Variants in DNAH5 observed in about 807,000 individuals in gnomAD.
The protein encoded by DNAH5 is axonemal beta dynein heavy chain 5.
A neutral mutation model predicts 518.2 loss-of-function variants in DNAH5; 372 were observed. That is an observed-to-expected ratio of 0.72 (90% CI 0.66 to 0.78). DNAH5 has a LOEUF of 0.78. DNAH5 is among the 30% of genes least tolerant of loss of function. The pLI is 0.00. For missense variants in DNAH5, 5,523 were observed against 5,687.0 expected (o/e 0.97, Z 0.93); for synonymous variants, 2,039 against 2,025.9 (o/e 1.01, Z -0.17).
intron 46 of DNAH5, among the ~76,000 whole-genome samples, chr5:13,807,949 G>A (rs1057082084): frequency 5.9e-5 from 9 of 152,032 alleles, no homozygotes; most frequent in African/African-American, 1.4e-4. Context: ...GAAATTTGTG[G>A]CCAGGTGTGG....
Position 13,876,758 on chromosome 5 carries a change from TATA to T in DNAH5, c.3319_3321del (p.Tyr1107del), listed in dbSNP as rs776767185. On this transcript the variant is annotated inframe_deletion, in exon 22 of 79. Coordinates refer to ENST00000265104, the MANE Select transcript of DNAH5 (RefSeq NM_001369.3). ...ATCTCTTTGTTTTCAGAAACATTCT[TATA>T]ATAGTTCTTGGTTTGCACGGGAATG... is the stretch of plus-strand genomic sequence containing the variant. 4 of 1,613,716 alleles carry T rather than the reference TATA, an allele frequency of 2.5e-6. No homozygotes were observed. The highest frequency in any genetic ancestry group is 2.2e-5 in the South Asian group (2 of 91,068).
chr5:13,773,283 G>A (rs1753602545), intron 55 of DNAH5, among the ~76,000 whole-genome samples: 2 of 152,064 alleles, frequency 1.3e-5, no homozygotes, highest in African/African-American at 2.4e-5. Context: ...AGATATAGGA[G>A]GTCCAAGAAA....
chr5:13,798,726 CATG>C (rs1758222632), intron 47 of DNAH5, among the ~76,000 whole-genome samples: 1 of 147,986 alleles, frequency 6.8e-6, no homozygotes, highest in Non-Finnish European at 1.5e-5. Flanking sequence ...ACATTTTCAT[CATG>C]ATTTTATTTA....
intron 44 of DNAH5, 109 bp from the exon 45 acceptor site, chr5:13,810,369 C>T: frequency 1.1e-6 from 1 of 928,056 alleles, no homozygotes. Flanking sequence ...AGTTGCCCTC[C>T]AAGAACAAGG....
chr5:13,882,988 T>C lies in DNAH5; in HGVS notation c.3090A>G (p.Val1030=), dbSNP rs1771887319. 6.2e-7 allele frequency: 1 copy of C among 1,614,164 alleles called. No individual in the cohort carries two copies. The highest frequency in any genetic ancestry group is 2.2e-5 in the East Asian group (1 of 44,890). The change falls in exon 20 of 79, where the codon GTA becomes GTG. Residue 1030 remains valine, a synonymous_variant. Coordinates refer to ENST00000265104, the MANE Select transcript of DNAH5 (RefSeq NM_001369.3). ...CCACGGCTTTGTTCAGGGTCTGCTG[T>C]ACATCTTCCAGGGCAGGGGCCATGA... ...NIVMAPALED[V]QQTLNKAVEC... is the part of the protein sequence containing the mutation.
chr5:13,811,143 T>C (rs573745654), intron 44 of DNAH5, among the ~76,000 whole-genome samples: 11 of 152,250 alleles, frequency 7.2e-5, no homozygotes, highest in East Asian at 5.8e-4. Context: ...TACACAGTGA[T>C]TGCAGTCAGC....
At chr5:13,774,007 TC>T (rs1753723615) in intron 55 of DNAH5, among the ~76,000 whole-genome samples, 1 of 151,876 alleles carries the variant, frequency 6.6e-6, no homozygotes, top group Admixed American at 6.6e-5. Flanking sequence ...GTAGGTAGGA[TC>T]AGCTCTTCCC....
intron 1 of DNAH5, among the ~76,000 whole-genome samples, chr5:13,943,822 T>C (rs1779680990): frequency 6.6e-6 from 1 of 152,170 alleles, no homozygotes; most frequent in Admixed American, 6.5e-5. Context: ...CTGACGTTAA[T>C]TGGCAGTGGA....
At chr5:13,953,106 A>G (rs1053260414) in intron 1 of DNAH5, among the ~76,000 whole-genome samples, 4 of 152,220 alleles carry the variant, frequency 2.6e-5, no homozygotes, top group African/African-American at 9.7e-5. Flanking sequence ...CATACACATA[A>G]AGAATAAGTT....
In DNAH5 at chr5:13,919,317, C is replaced by T. The variant is rs761192750; in HGVS notation, c.834G>A (p.Ala278=). ...GCTCCGCTCGTGGCCCAACGTCATCCGCTTCCTTCAGCAGCTGATTGTTTT... is the reference window on the plus strand; with the variant it reads ...GCTCCGCTCGTGGCCCAACGTCATCTGCTTCCTTCAGCAGCTGATTGTTTT... ...LAENNQLLKE[A]DDVGPRAELE... is the part of the protein sequence containing the mutation. The change falls in exon 7 of 79, where the codon GCG becomes GCA. Residue 278 remains alanine, a synonymous_variant. Transcript: ENST00000265104. 3.7e-6 allele frequency: 6 copies of T among 1,613,988 alleles called. No homozygotes were observed. The Admixed American group carries it at 6.7e-5, about 18-fold the overall frequency.
At chr5:13,812,914 A>C (rs1319062518) in intron 43 of DNAH5, among the ~76,000 whole-genome samples, 1 of 152,214 alleles carries the variant, frequency 6.6e-6, no homozygotes, top group Non-Finnish European at 1.5e-5. Context: ...TGAATTATTC[A>C]TTAGTTCATG....
chr5:13,744,849 A>G (rs1448260860), intron 65 of DNAH5, among the ~76,000 whole-genome samples: 1 of 152,122 alleles, frequency 6.6e-6, no homozygotes, highest in Admixed American at 6.6e-5. Flanking sequence ...CACAGCCTCC[A>G]TTACCAAATA....
rs994437800 is a variant in DNAH5 at position 13,691,652 on chromosome 5, C to T, written c.*332G>A. On this transcript the variant is annotated 3_prime_UTR_variant, in exon 79 of 79. Coordinates refer to ENST00000265104, the MANE Select transcript of DNAH5 (RefSeq NM_001369.3). ...CACGTTAACAGAAGAATAATTCCTCCCAGAGAAATACTGTCTGCTTACCCT... is the reference window on the plus strand; with the variant it reads ...CACGTTAACAGAAGAATAATTCCTCTCAGAGAAATACTGTCTGCTTACCCT... 40 of 280,628 alleles carry T rather than the reference C, an allele frequency of 1.4e-4. No homozygotes were observed. Among genetic ancestry groups the T allele is most frequent in the African/African-American group, 8.6e-4 (39 of 45,158 alleles). 17.4% of individuals were successfully genotyped at this position (280,628 alleles called of 1,614,324 possible). A position where few individuals can be genotyped will look rare whatever the true frequency, so the allele number is the denominator to read the frequency against.
chr5:13,920,425 T>C (rs1235724233), intron 6 of DNAH5, 55 bp downstream of exon 6: 1 of 1,608,682 alleles, frequency 6.2e-7, no homozygotes, highest in Non-Finnish European at 8.5e-7. Context: ...CCTTCTTCCA[T>C]TGTCTAGCGC....
chr5:13,708,752 CTT>C (rs1434965189), intron 75 of DNAH5, among the ~76,000 whole-genome samples: 2 of 152,188 alleles, frequency 1.3e-5, no homozygotes, highest in African/African-American at 4.8e-5. Flanking sequence ...CTAGAATTCT[CTT>C]TTAAGAGCTT....
At chr5:13,772,255 G>A (rs966737777) in intron 55 of DNAH5, among the ~76,000 whole-genome samples, 7 of 152,116 alleles carry the variant, frequency 4.6e-5, no homozygotes, top group African/African-American at 7.2e-5. Context: ...GGAAGTGCCC[G>A]CTTTCTGAAA....
chr5:13,923,482 C>T (rs772726050), intron 3 of DNAH5, 42 bp from the exon 4 acceptor site: 1 of 1,609,480 alleles, frequency 6.2e-7, no homozygotes, highest in South Asian at 1.1e-5. Flanking sequence ...ATGCTTTTTG[C>T]AGTCCATGTG....
chr5:13,868,093 G>A (rs1188416077), intron 24 of DNAH5, 101 bp from the exon 25 acceptor site: 2 of 926,624 alleles, frequency 2.2e-6, no homozygotes, highest in Non-Finnish European at 3.4e-6. Context: ...CAGAATAATA[G>A]TGAAACTACC....
intron 1 of DNAH5, among the ~76,000 whole-genome samples, chr5:13,977,570 C>T (rs762258630): frequency 1.1e-4 from 16 of 152,172 alleles, no homozygotes; most frequent in Non-Finnish European, 2.2e-4. Context: ...TTTTCCCCTC[C>T]TCCTCCCTCT....
Sources: gnomAD v4.1 joint callset for allele counts (sites outside exome capture counted in the v4.1 genomes callset) on GRCh38, gnomAD v4.1.1 for gene constraint, MANE v1.5 for transcripts, NCBI Gene and HGNC (gene_info 2026-07-23, HGNC 2026-07-21) for gene names.